FARP2: variants seen among roughly 807,000 people sequenced by gnomAD.
FARP2 encodes the protein FERM, ARHGEF and pleckstrin domain-containing protein 2.
FARP2 carries 111 observed loss-of-function variants against 130.5 expected under a neutral mutation model. That is an observed-to-expected ratio of 0.85 (90% CI 0.73 to 1.00). The LOEUF is 1.00. Among genes scored for constraint, FARP2 ranks in the 50% least tolerant of loss-of-function variants. The pLI is 0.00. For synonymous variants in FARP2, 504 were observed against 516.9 expected (o/e 0.98, Z 0.34); for missense variants, 1,385 against 1,346.3 (o/e 1.03, Z -0.45).
chr2:241,490,581 A>C (rs979727679), intron 22 of FARP2, among the ~76,000 whole-genome samples: 1 of 152,158 alleles, frequency 6.6e-6, no homozygotes, highest in Admixed American at 6.5e-5. Context: ...CACTGAGCTC[A>C]TTTGGCGGCC....
intron 2 of FARP2, among the ~76,000 whole-genome samples, chr2:241,382,114 A>G (rs1461220291): frequency 6.6e-6 from 1 of 152,198 alleles, no homozygotes; most frequent in African/African-American, 2.4e-5. Context: ...ATTTTTCTGA[A>G]TACCCTTCTG....
At chr2:241,418,699 C>A (rs1267896134) in intron 8 of FARP2, among the ~76,000 whole-genome samples, 1 of 152,208 alleles carries the variant, frequency 6.6e-6, no homozygotes, top group Non-Finnish European at 1.5e-5. Context: ...GGCCTGCTCA[C>A]TTCCATTTGT....
chr2:241,465,940 G>A, intron 17 of FARP2: 2 of 1,419,202 alleles, frequency 1.4e-6, no homozygotes, highest in Non-Finnish European at 1.8e-6. Context: ...GACGGAAGCT[G>A]AGTCAGGTTG....
In FARP2 at chr2:241,449,725, G is replaced by A. The variant is rs181088972; in HGVS notation, c.1412-7022G>A. 3.0e-3 allele frequency among the ~76,000 whole-genome samples: 457 copies of A among 152,230 alleles called. 1 individual carries two copies. The highest frequency in any genetic ancestry group is 0.01 in the African/African-American group (433 of 41,546). On this transcript the variant is annotated intron_variant, in intron 13 of 26. Coordinates refer to ENST00000264042, the MANE Select transcript of FARP2 (RefSeq NM_014808.4). Reference sequence around the variant, plus strand: ...AAGAAAATCACCTGCCAGACCGGGCGCAGTGGCTCCCGCCTGTAATCCCAG... The same window carrying A: ...AAGAAAATCACCTGCCAGACCGGGCACAGTGGCTCCCGCCTGTAATCCCAG...
chr2:241,431,155 C>G (rs1285709470), intron 8 of FARP2, among the ~76,000 whole-genome samples: 2 of 152,260 alleles, frequency 1.3e-5, no homozygotes, highest in East Asian at 3.9e-4. Flanking sequence ...TGCACTGTGT[C>G]TGATGATAAT....
chr2:241,358,322 C>T (rs1298452005), intron 1 of FARP2, among the ~76,000 whole-genome samples: 6 of 152,118 alleles, frequency 3.9e-5, no homozygotes, highest in Admixed American at 3.9e-4. Context: ...CAAGCTAACC[C>T]TGGATATTTA....
intron 17 of FARP2, chr2:241,465,764 C>T (rs2064153130): frequency 1.3e-6 from 2 of 1,550,656 alleles, no homozygotes; most frequent in Non-Finnish European, 1.7e-6. Flanking sequence ...ACGACTCAAG[C>T]TCCCCCTCCT....
chr2:241,356,658 G>C (rs1320506465), intron 1 of FARP2, among the ~76,000 whole-genome samples: 1 of 151,812 alleles, frequency 6.6e-6, no homozygotes, highest in Non-Finnish European at 1.5e-5. Context: ...GTGGACTCCC[G>C]GGTTGAGGGG....
chr2:241,475,915 G>A lies in FARP2; in HGVS notation c.2190G>A (p.Leu730=). 1.2e-6 allele frequency: 2 copies of A among 1,614,050 alleles called. No homozygotes were observed. The highest frequency in any genetic ancestry group is 2.7e-5 in the African/African-American group (2 of 75,040). Residue 730 remains leucine, a synonymous_variant, in exon 19 of 27, where the codon CTG becomes CTA. Coordinates refer to ENST00000264042, the MANE Select transcript of FARP2 (RefSeq NM_014808.4). The surrounding 1 kb of genome is among the most constrained non-coding windows in gnomAD (Gnocchi z 4.4). ...CACTACAGCACATTCTCATCCGGCT[G>A]GAGAACCTGCAGAAGCTAACGGAGC... The part of the protein sequence containing the change: ...TTTLQHILIR[L]ENLQKLTELQ...
intron 16 of FARP2, 160 bp downstream of exon 16, chr2:241,463,628 C>T: frequency 2.6e-6 from 2 of 783,028 alleles, no homozygotes; most frequent in Non-Finnish European, 4.0e-6. Flanking sequence ...TAATAATACC[C>T]TTTATTCACC....
chr2:241,375,379 T>C (rs2061513146), intron 2 of FARP2, among the ~76,000 whole-genome samples: 1 of 152,164 alleles, frequency 6.6e-6, no homozygotes, highest in Middle Eastern at 3.2e-3. Flanking sequence ...AGAAAAATAA[T>C]TGTACTAATA....
chr2:241,397,983 C>G (rs1463908286), intron 2 of FARP2, among the ~76,000 whole-genome samples: 1 of 151,850 alleles, frequency 6.6e-6, no homozygotes, highest in Non-Finnish European at 1.5e-5. Flanking sequence ...GCGCCTGCCA[C>G]CATGCCCGGC....
At chr2:241,489,093 T>G (rs541276184) in intron 21 of FARP2, 1 of 152,270 alleles carries the variant, frequency 6.6e-6, no homozygotes, top group Non-Finnish European at 1.5e-5. Flanking sequence ...GACTAACATC[T>G]GGACAATGTT....
rs764827858 is a variant in FARP2, at chr2:241,468,301, G to C, written c.2055G>C (p.Leu685=). 5.0e-6 allele frequency: 8 copies of C among 1,613,484 alleles called. No individual in the cohort carries two copies. In the East Asian group the frequency reaches 1.1e-4, roughly 22 times the overall value. ...NTFLLKPIQR[L]LHYRLLLRRL... ...TCCTGCTGAAGCCCATCCAGCGGCT[G>C]CTGCACTACCGCCTGCTGCTGCGCC... is the stretch of plus-strand genomic sequence containing the variant. The change falls in exon 18 of 27, where the codon CTG becomes CTC. Residue 685 remains leucine (L), a synonymous_variant. Coordinates refer to ENST00000264042, the MANE Select transcript of FARP2 (RefSeq NM_014808.4).
chr2:241,493,184 C>A, intron 25 of FARP2, 109 bp from the exon 26 acceptor site: 1 of 1,354,212 alleles, frequency 7.4e-7, no homozygotes, highest in Non-Finnish European at 1.0e-6. Context: ...AACTGGCTCC[C>A]TTGGCCCGTG....
rs1241845072 is a variant in FARP2 at position 241,475,292 on chromosome 2, T to C, written c.2132-565T>C. ...AGGGGTATCTGCAGGAGCAGGCGCC[T>C]GGTGGCTGCACATAGTAGGCAGCAG... On this transcript the variant is annotated intron_variant, in intron 18 of 26. Coordinates refer to ENST00000264042, the MANE Select transcript of FARP2 (RefSeq NM_014808.4). The surrounding 1 kb of genome is among the most constrained non-coding windows in gnomAD (Gnocchi z 4.4). 6.6e-6 allele frequency among the ~76,000 whole-genome samples: 1 copy of C among 152,232 alleles called. No individual in the cohort carries two copies. The highest frequency in any genetic ancestry group is 1.5e-5 in the Non-Finnish European group (1 of 68,036).
chr2:241,367,711 A>G (rs1050019091), intron 1 of FARP2, among the ~76,000 whole-genome samples: 2 of 152,112 alleles, frequency 1.3e-5, no homozygotes, highest in South Asian at 2.1e-4. Context: ...TTTAAATTGC[A>G]AAATAGAAAT....
At chr2:241,421,035 C>T (rs934728126) in intron 8 of FARP2, among the ~76,000 whole-genome samples, 1 of 152,106 alleles carries the variant, frequency 6.6e-6, no homozygotes, top group Non-Finnish European at 1.5e-5. Flanking sequence ...TGAAGAAAAG[C>T]GAGGGTGGGG....
chr2:241,464,168 C>T (rs759689925), intron 17 of FARP2, among the ~76,000 whole-genome samples, 188 bp downstream of exon 17: 1 of 151,172 alleles, frequency 6.6e-6, no homozygotes, highest in Non-Finnish European at 1.5e-5. Flanking sequence ...ACCAGGGTCC[C>T]CCTCAGAACA....
Sources: allele counts gnomAD v4.1 joint callset (sites outside exome capture counted in the v4.1 genomes callset), GRCh38; gene constraint gnomAD v4.1.1; non-coding constraint Gnocchi (gnomAD v3.1); transcripts MANE v1.5; gene names NCBI Gene and HGNC (gene_info 2026-07-23, HGNC 2026-07-21).